Variants in MAP3K4 observed in about 807,000 individuals in gnomAD.
The protein encoded by MAP3K4 is mitogen-activated protein kinase kinase kinase 4, also known as MAP three kinase 1.
MAP3K4 carries 67 observed loss-of-function variants against 185.6 expected under a neutral mutation model. The observed-to-expected ratio is 0.36, with a 90% CI of 0.30 to 0.44. MAP3K4 has a LOEUF of 0.44. Among genes scored for constraint, MAP3K4 ranks in the 20% least tolerant of loss-of-function variants. The pLI is 1.00. For synonymous variants in MAP3K4, 702 were observed against 710.4 expected (o/e 0.99, Z 0.19); for missense variants, 1,551 against 1,995.1 (o/e 0.78, Z 4.24).
rs1784582235 is a variant in MAP3K4, at chr6:161,063,758, A to G, written c.1708-6850A>G. ...TGCCAACCCCTTGCCTTCACTCATG[A>G]ATAGTGCCAAAATCATTCCTAATTT... On this transcript the variant is annotated intron_variant, in intron 3 of 26. Coordinates refer to ENST00000392142, the MANE Select transcript of MAP3K4 (RefSeq NM_005922.4). This position sits in a 1 kb window ranked among gnomAD's most constrained non-coding sequence, Gnocchi z 5.4. Among the ~76,000 whole-genome samples the G allele has an allele frequency of 6.6e-6, 1 of 152,160 alleles. No homozygotes were observed. Among genetic ancestry groups the G allele is most frequent in the Admixed American group, 6.5e-5 (1 of 15,282 alleles).
Position 161,112,825 on chromosome 6 carries a change from A to G in MAP3K4, c.4626+51A>G. On this transcript the variant is annotated intron_variant, in intron 25 of 26. Coordinates refer to ENST00000392142, the MANE Select transcript of MAP3K4 (RefSeq NM_005922.4). The surrounding 1 kb of genome is among the most constrained non-coding windows in gnomAD (Gnocchi z 5.1). ...GAGCAACTTCAGAAGGGCACTGTGC[A>G]TTAACAGAACAGTAGTTATGGATTG... 8.0e-7 allele frequency: 1 copy of G among 1,251,790 alleles called. No homozygotes were observed. Among genetic ancestry groups the G allele is most frequent in the Non-Finnish European group, 1.1e-6 (1 of 908,140 alleles). 77.5% of individuals were successfully genotyped at this position (1,251,790 alleles called of 1,614,324 possible).
At position 161,103,424 on chromosome 6, in the gene MAP3K4, A is replaced by C. The variant is rs1282527477; in HGVS notation, c.3856+645A>C. ...AGTATTTGTCTTCCAAGGCCTAGAG[A>C]TGTCTGGAAGGATTTTGTGGAGGGA... On this transcript the variant is annotated intron_variant, in intron 19 of 26. Transcript: ENST00000392142. This position sits in a 1 kb window ranked among gnomAD's most constrained non-coding sequence, Gnocchi z 4.6. 6.6e-6 allele frequency among the ~76,000 whole-genome samples: 1 copy of C among 152,134 alleles called. No individual in the cohort carries two copies. Among genetic ancestry groups the C allele is most frequent in the Non-Finnish European group, 1.5e-5 (1 of 68,032 alleles).
At chr6:161,009,798 A>G (rs551938102) in intron 1 of MAP3K4, among the ~76,000 whole-genome samples, 190 of 152,286 alleles carry the variant, frequency 1.2e-3, no homozygotes, top group Admixed American at 3.4e-3. Flanking sequence ...CTAGTTTGAT[A>G]AATTAAAAAG....
rs775801595 is a variant in MAP3K4, at chr6:161,049,834, G to A, written c.1562G>A (p.Cys521Tyr). Residue 521 changes from cysteine to tyrosine, a missense_variant, in exon 3 of 27, where the codon TGT becomes TAT. Around this residue, in one of 16 missense-constraint regions of MAP3K4, gnomAD observed 126 missense variants for 112.8 expected, o/e 1.12. Transcript: ENST00000392142. This position sits in a 1 kb window ranked among gnomAD's most constrained non-coding sequence, Gnocchi z 8.4. ...ACAGAAGCAGGCTTTAGTAGACATTGTCTGACTTCTATTTATAGACCATTT... is the reference window on the plus strand; with the variant it reads ...ACAGAAGCAGGCTTTAGTAGACATTATCTGACTTCTATTTATAGACCATTT... The part of the protein sequence containing the change: ...WSTEAGFSRH[C>Y]LTSIYRPFVD... The A allele has an allele frequency of 1.2e-6, 2 of 1,614,138 alleles. No individual in the cohort carries two copies. Among genetic ancestry groups the A allele is most frequent in the South Asian group, 1.1e-5 (1 of 91,074 alleles).
chr6:161,002,756 TAATTTTTTGTATTTTTA>T (rs1175314958), intron 1 of MAP3K4, among the ~76,000 whole-genome samples: 1 of 151,972 alleles, frequency 6.6e-6, no homozygotes, highest in East Asian at 1.9e-4. Flanking sequence ...CATGCCCGGC[TAATTTTTTGTATTTTTA>T]GTGGAGATGG....
chr6:161,085,175 T>A (rs1399340375), intron 7 of MAP3K4, among the ~76,000 whole-genome samples: 1 of 151,844 alleles, frequency 6.6e-6, no homozygotes, highest in Non-Finnish European at 1.5e-5. Context: ...GATAAAGAGA[T>A]AAAGTTGACT....
chr6:161,000,566 G>T (rs1781219402), intron 1 of MAP3K4, among the ~76,000 whole-genome samples: 2 of 152,172 alleles, frequency 1.3e-5, no homozygotes, highest in South Asian at 4.1e-4. Flanking sequence ...GTAAAATTGG[G>T]ATTGGCATTA....
At position 161,098,769 on chromosome 6, in the gene MAP3K4, AG is replaced by A. The variant is rs1777701269; in HGVS notation, c.3674+344del. Among the ~76,000 whole-genome samples the A allele has an allele frequency of 6.6e-6, 1 of 152,226 alleles. No homozygotes were observed. Among genetic ancestry groups the A allele is most frequent in the African/African-American group, 2.4e-5 (1 of 41,460 alleles). On this transcript the variant is annotated intron_variant, in intron 17 of 26. Coordinates refer to ENST00000392142, the MANE Select transcript of MAP3K4 (RefSeq NM_005922.4). This position sits in a 1 kb window ranked among gnomAD's most constrained non-coding sequence, Gnocchi z 4.4. ...CTCACAGAGAGAGCCTGGAGTCACA[AG>A]GTGGTTAAAAGATGGCATCTAGTTA...
intron 2 of MAP3K4, among the ~76,000 whole-genome samples, chr6:161,042,939 CACAT>C (rs1783553989): frequency 6.9e-6 from 1 of 145,290 alleles, no homozygotes; most frequent in African/African-American, 2.6e-5. Flanking sequence ...CACACACACA[CACAT>C]CCCTGTTAGG....
chr6:161,042,399 G>A (rs191286416), intron 2 of MAP3K4, among the ~76,000 whole-genome samples: 3 of 152,274 alleles, frequency 2.0e-5, no homozygotes, highest in Admixed American at 2.0e-4. Context: ...TTACCTGAAA[G>A]TCTGCTATCT....
chr6:161,031,151 G>A (rs1321128073), intron 1 of MAP3K4, among the ~76,000 whole-genome samples: 1 of 152,306 alleles, frequency 6.6e-6, no homozygotes, highest in African/African-American at 2.4e-5. Flanking sequence ...GTCAGTAGTT[G>A]TTCATTGTGT....
In MAP3K4 at chr6:161,071,976, A is replaced by G. The variant is rs1377643303; in HGVS notation, c.1950+1126A>G. On this transcript the variant is annotated intron_variant, in intron 4 of 26. Transcript: ENST00000392142. The surrounding 1 kb of genome is among the most constrained non-coding windows in gnomAD (Gnocchi z 4.6). Reference sequence around the variant, plus strand: ...TTTTGTTGATGGGGCTATTGTGAGGACTAAATAGTAATGTATGTTGTAATA... The same window carrying G: ...TTTTGTTGATGGGGCTATTGTGAGGGCTAAATAGTAATGTATGTTGTAATA... 6.6e-6 allele frequency among the ~76,000 whole-genome samples: 1 copy of G among 152,198 alleles called. No individual in the cohort carries two copies. Among genetic ancestry groups the G allele is most frequent in the East Asian group, 1.9e-4 (1 of 5,196 alleles).
At position 161,100,537 on chromosome 6, in the gene MAP3K4, C is replaced by T. The variant is rs1258906489; in HGVS notation, c.3675-1355C>T. Among the ~76,000 whole-genome samples the T allele has an allele frequency of 3.3e-5, 5 of 152,110 alleles. No individual in the cohort carries two copies. Among genetic ancestry groups the T allele is most frequent in the Non-Finnish European group, 7.4e-5 (5 of 68,026 alleles). ...CCTGCTGGCTCTCAAGAGCTGATGG[C>T]GAATGTTTGAGAAATTTTGCAAGTT... On this transcript the variant is annotated intron_variant, in intron 17 of 26. Transcript: ENST00000392142. This position sits in a 1 kb window ranked among gnomAD's most constrained non-coding sequence, Gnocchi z 5.8.
intron 1 of MAP3K4, among the ~76,000 whole-genome samples, chr6:161,000,692 A>G (rs536514140): frequency 6.6e-6 from 1 of 152,106 alleles, no homozygotes; most frequent in South Asian, 2.1e-4. Flanking sequence ...CCTGATATAT[A>G]TACACACATA....
In MAP3K4 at chr6:161,048,490, CT is replaced by C. The variant is rs947806365; in HGVS notation, c.344-118del. The stretch of plus-strand genomic sequence containing the variant: ...CCTTTAATTTTTAGGATATGGTATG[CT>C]TTTTTTTCTTCCATTAGCAGTCTGA... On this transcript the variant is annotated intron_variant, in intron 2 of 26. Transcript: ENST00000392142. This position sits in a 1 kb window ranked among gnomAD's most constrained non-coding sequence, Gnocchi z 4.7. The C allele has an allele frequency of 8.9e-5, 55 of 620,604 alleles. No homozygotes were observed. The highest frequency in any genetic ancestry group is 1.2e-4 in the Non-Finnish European group (46 of 372,608). 38.4% of individuals were successfully genotyped at this position (620,604 alleles called of 1,614,324 possible).
In MAP3K4 at chr6:161,037,577, C is replaced by G. The variant is rs1490451687; in HGVS notation, c.343+3128C>G. Among the ~76,000 whole-genome samples, 1 of 151,972 alleles carries G rather than the reference C, an allele frequency of 6.6e-6. No individual in the cohort carries two copies. The highest frequency in any genetic ancestry group is 1.5e-5 in the Non-Finnish European group (1 of 67,962). On this transcript the variant is annotated intron_variant, in intron 2 of 26. Transcript: ENST00000392142. This position sits in a 1 kb window ranked among gnomAD's most constrained non-coding sequence, Gnocchi z 4.2. ...AGGACTACAGGCATGCGCCACCATG[C>G]CCGACTAATTTTGTATTTTTGGTAG...
At chr6:161,016,102 T>G (rs1258685947) in intron 1 of MAP3K4, among the ~76,000 whole-genome samples, 1 of 152,186 alleles carries the variant, frequency 6.6e-6, no homozygotes, top group African/African-American at 2.4e-5. Flanking sequence ...GCTGTCTGAT[T>G]ATAGTTTTGA....
At position 161,022,869 on chromosome 6, in the gene MAP3K4, T is replaced by TAG. The variant is rs1782466748; in HGVS notation, c.153-11389_153-11388dup. On this transcript the variant is annotated intron_variant, in intron 1 of 26. Coordinates refer to ENST00000392142, the MANE Select transcript of MAP3K4 (RefSeq NM_005922.4). This position sits in a 1 kb window ranked among gnomAD's most constrained non-coding sequence, Gnocchi z 4.2. ...AAATGAGACTGTATGATATCGAGCA[T>TAG]AGTACTTACCAAGCATGGTAAGTAC... Among the ~76,000 whole-genome samples, 1 of 152,164 alleles carries TAG rather than the reference T, an allele frequency of 6.6e-6. No individual in the cohort carries two copies. Among genetic ancestry groups the TAG allele is most frequent in the East Asian group, 1.9e-4 (1 of 5,198 alleles).
chr6:161,035,303 C>T (rs2115173180), intron 2 of MAP3K4, among the ~76,000 whole-genome samples: 1 of 152,240 alleles, frequency 6.6e-6, no homozygotes, highest in Non-Finnish European at 1.5e-5. Context: ...TCCTGTTGAC[C>T]TCACACTCAT....
Sources: allele counts gnomAD v4.1 joint callset (sites outside exome capture counted in the v4.1 genomes callset), GRCh38; gene constraint gnomAD v4.1.1; regional missense constraint gnomAD v4.1.1; non-coding constraint Gnocchi (gnomAD v3.1); transcripts MANE v1.5; gene names NCBI Gene and HGNC (gene_info 2026-07-23, HGNC 2026-07-21).